Variants in PLD5 observed in about 807,000 individuals in gnomAD.
PLD5 encodes the protein inactive phospholipase D5.
A neutral mutation model predicts 61.1 loss-of-function variants in PLD5; 36 were observed. The ratio of observed to expected loss-of-function variants is 0.59; its 90% CI spans 0.45 to 0.78. The LOEUF (loss-of-function observed/expected upper bound fraction) is 0.78, where lower values mean the gene tolerates loss of function less well. Among genes scored for constraint, PLD5 ranks in the 30% least tolerant of loss-of-function variants. PLD5 has a pLI of 0.00. For missense variants in PLD5, 515 were observed against 644.4 expected, an observed-to-expected ratio of 0.80 and a Z score of 2.17; for synonymous variants, 243 against 242.8, an observed-to-expected ratio of 1.00 and a Z score of -0.01.
intron 6 of PLD5, among the ~76,000 whole-genome samples, chr1:242,120,950 A>T (rs1364751695): frequency 6.6e-6 from 1 of 151,330 alleles, no homozygotes; most frequent in Non-Finnish European, 1.5e-5. Context: ...TAAAATTTAT[A>T]TCTAACTATG....
intron 1 of PLD5, among the ~76,000 whole-genome samples, chr1:242,482,911 C>G (rs1297531843): frequency 2.0e-5 from 3 of 152,106 alleles, no homozygotes; most frequent in Non-Finnish European, 4.4e-5. Context: ...ATTCAACATT[C>G]TTACAGAAAA....
intron 1 of PLD5, among the ~76,000 whole-genome samples, chr1:242,494,312 C>T (rs1572242092): frequency 6.6e-6 from 1 of 152,058 alleles, no homozygotes; most frequent in Admixed American, 6.6e-5. Flanking sequence ...CATGTGGCAG[C>T]CCCCATTTAA....
intron 1 of PLD5, among the ~76,000 whole-genome samples, chr1:242,443,964 G>A (rs190341878): frequency 6.6e-6 from 1 of 152,256 alleles, no homozygotes; most frequent in African/African-American, 2.4e-5. Flanking sequence ...GGTGGCTTCT[G>A]TGTCTTCTCA....
At chr1:242,364,396 T>C (rs1469002169) in intron 1 of PLD5, among the ~76,000 whole-genome samples, 1 of 152,214 alleles carries the variant, frequency 6.6e-6, no homozygotes, top group Non-Finnish European at 1.5e-5. Flanking sequence ...TATTCTAGGC[T>C]TTAAAACAAG....
At chr1:242,229,980 A>T (rs1671198301) in intron 4 of PLD5, among the ~76,000 whole-genome samples, 1 of 151,306 alleles carries the variant, frequency 6.6e-6, no homozygotes, top group African/African-American at 2.4e-5. Flanking sequence ...CCCCATCCCC[A>T]GGGGATGTGC....
chr1:242,400,874 T>A (rs1663893535), intron 1 of PLD5, among the ~76,000 whole-genome samples: 1 of 152,060 alleles, frequency 6.6e-6, no homozygotes, highest in African/African-American at 2.4e-5. Flanking sequence ...CTGGAGTGAG[T>A]AAAAGCCACA....
chr1:242,498,778 G>C lies in PLD5; in HGVS notation c.189+25310C>G, dbSNP rs74486744. 6.8e-3 allele frequency among the ~76,000 whole-genome samples: 1,042 copies of C among 152,274 alleles called. 15 individuals are homozygous for C. Among genetic ancestry groups the C allele is most frequent in the African/African-American group, 0.024 (980 of 41,556 alleles). ...TTTAAAGTCTGCCACATGTGGATCA[G>C]TTTAGTGCCTATTCACCTCCAAGGC... On this transcript the variant is annotated intron_variant, in intron 1 of 9. Transcript: ENST00000536534.
chr1:242,242,875 A>T (rs12723187), intron 4 of PLD5, among the ~76,000 whole-genome samples: 1 of 152,112 alleles, frequency 6.6e-6, no homozygotes, highest in Non-Finnish European at 1.5e-5. Context: ...TGTTATAGCA[A>T]GTTGACAGTT....
rs563139993 is a variant in PLD5 at position 242,469,073 on chromosome 1, T to G, written c.189+55015A>C. On this transcript the variant is annotated intron_variant, in intron 1 of 9. Transcript: ENST00000536534. ...TGATTAGCTGCAAACTGCTTAAGAG[T>G]CCCCCTGGAAATGGACATCTGGATT... is the stretch of plus-strand genomic sequence containing the variant. Among the ~76,000 whole-genome samples, 6 of 152,132 alleles carry G rather than the reference T, an allele frequency of 3.9e-5. No individual in the cohort carries two copies. The South Asian group carries it at 1.2e-3, about 32-fold the overall frequency.
intron 1 of PLD5, among the ~76,000 whole-genome samples, chr1:242,398,974 C>G (rs141117670): frequency 6.6e-6 from 1 of 152,232 alleles, no homozygotes; most frequent in Non-Finnish European, 1.5e-5. Flanking sequence ...TAACAGGGAT[C>G]AATCCAAGGA....
chr1:242,442,947 A>C (rs944192073), intron 1 of PLD5, among the ~76,000 whole-genome samples: 2 of 152,178 alleles, frequency 1.3e-5, no homozygotes, highest in Non-Finnish European at 2.9e-5. Context: ...TCTGCAAGGA[A>C]TCTCCATGCC....
At chr1:242,479,782 G>A (rs1356750477) in intron 1 of PLD5, among the ~76,000 whole-genome samples, 5 of 152,024 alleles carry the variant, frequency 3.3e-5, no homozygotes, top group South Asian at 2.1e-4. Context: ...AGTGGTTTAC[G>A]CCTGTAATCC....
At chr1:242,105,235 T>TTC (rs1660958164) in intron 8 of PLD5, among the ~76,000 whole-genome samples, 1 of 151,558 alleles carries the variant, frequency 6.6e-6, no homozygotes, top group East Asian at 1.9e-4. Context: ...TTTTTTTTTT[T>TTC]CCTTCAGAGA....
At chr1:242,156,928 G>T (rs1558283191) in intron 5 of PLD5, among the ~76,000 whole-genome samples, 2 of 152,120 alleles carry the variant, frequency 1.3e-5, no homozygotes. Flanking sequence ...AGTTCTCCTG[G>T]ATGATAACCT....
intron 2 of PLD5, among the ~76,000 whole-genome samples, chr1:242,301,358 G>A (rs1212804896): frequency 2.6e-5 from 4 of 152,214 alleles, no homozygotes; most frequent in African/African-American, 9.7e-5. Context: ...GAAGAAGGAT[G>A]GCTTTGAAGG....
chr1:242,193,658 G>A (rs1023351299), intron 5 of PLD5, among the ~76,000 whole-genome samples: 4 of 152,206 alleles, frequency 2.6e-5, no homozygotes, highest in Non-Finnish European at 4.4e-5. Context: ...TGTCATCTGT[G>A]TGAGGAATAT....
At chr1:242,103,535 A>G (rs977410689) in intron 8 of PLD5, among the ~76,000 whole-genome samples, 8 of 152,190 alleles carry the variant, frequency 5.3e-5, no homozygotes, top group Admixed American at 2.6e-4. Flanking sequence ...TATCTGGAAA[A>G]TGCTGTTTCG....
intron 1 of PLD5, among the ~76,000 whole-genome samples, chr1:242,363,348 G>GA (rs1275218319): frequency 1.3e-5 from 2 of 149,240 alleles, no homozygotes; most frequent in South Asian, 2.1e-4. Flanking sequence ...TCTCCTTAAG[G>GA]AAAAAAATTA....
intron 1 of PLD5, among the ~76,000 whole-genome samples, chr1:242,450,457 G>A (rs186920466): frequency 3.2e-4 from 49 of 152,292 alleles, no homozygotes; most frequent in Non-Finnish European, 4.9e-4. Flanking sequence ...CCCACAAATT[G>A]GTAGAATTCC....
Sources: allele counts gnomAD v4.1 joint callset (sites outside exome capture counted in the v4.1 genomes callset), GRCh38; gene constraint gnomAD v4.1.1; transcripts MANE v1.5; gene names NCBI Gene and HGNC (gene_info 2026-07-23, HGNC 2026-07-21).